AKT3: variants seen among roughly 807,000 people sequenced by gnomAD.
AKT3 encodes AKT serine/threonine kinase 3, also known as RAC-gamma serine/threonine-protein kinase.
Under a neutral mutation model 65.3 loss-of-function variants are expected in AKT3, and 15 were observed. The ratio of observed to expected loss-of-function variants is 0.23; its 90% CI spans 0.15 to 0.35. The LOEUF is 0.35. AKT3 is among the 10% of genes least tolerant of loss of function. AKT3 has a pLI of 1.00. For synonymous variants in AKT3, 206 were observed against 183.8 expected (o/e 1.12, Z -0.98); for missense variants, 243 against 576.5 (o/e 0.42, Z 5.92).
chr1:243,774,982 C>T (rs890096842), intron 2 of AKT3, among the ~76,000 whole-genome samples: 1 of 152,158 alleles, frequency 6.6e-6, no homozygotes, highest in Non-Finnish European at 1.5e-5. Flanking sequence ...CCCACCTCAG[C>T]CACCTGAGTA....
At chr1:243,839,367 T>G (rs1439586123) in intron 2 of AKT3, among the ~76,000 whole-genome samples, 1 of 152,178 alleles carries the variant, frequency 6.6e-6, no homozygotes, top group Non-Finnish European at 1.5e-5. Context: ...GTATTTAATA[T>G]ATACAGAGAT....
intron 8 of AKT3, among the ~76,000 whole-genome samples, chr1:243,573,322 G>A (rs1353994724): frequency 6.6e-6 from 1 of 152,022 alleles, no homozygotes; most frequent in Non-Finnish European, 1.5e-5. Context: ...AGAGGAAAAA[G>A]GTATGCATCA....
chr1:243,832,284 T>C (rs928157496), intron 2 of AKT3, among the ~76,000 whole-genome samples: 3 of 151,964 alleles, frequency 2.0e-5, no homozygotes, highest in Non-Finnish European at 1.5e-5. Flanking sequence ...ATACACCTCA[T>C]AACTTGTAGT....
At chr1:243,773,144 A>G (rs1189037608) in intron 2 of AKT3, among the ~76,000 whole-genome samples, 1 of 150,974 alleles carries the variant, frequency 6.6e-6, no homozygotes, top group Non-Finnish European at 1.5e-5. Context: ...TATGTAACAA[A>G]CCTGCACGTT....
At chr1:243,841,235 T>C (rs1287402199) in intron 2 of AKT3, among the ~76,000 whole-genome samples, 1 of 152,132 alleles carries the variant, frequency 6.6e-6, no homozygotes, top group Non-Finnish European at 1.5e-5. Flanking sequence ...ATTTCAAAGA[T>C]ATAATTAATT....
intron 6 of AKT3, among the ~76,000 whole-genome samples, chr1:243,618,390 G>A (rs1252608625): frequency 6.6e-6 from 1 of 151,954 alleles, no homozygotes; most frequent in East Asian, 1.9e-4. Context: ...ATTAGTTTCT[G>A]CTATGAAGAT....
chr1:243,648,623 T>C (rs370914970), intron 4 of AKT3, among the ~76,000 whole-genome samples: 1 of 152,298 alleles, frequency 6.6e-6, no homozygotes, highest in Non-Finnish European at 1.5e-5. Context: ...TTCTCATTAT[T>C]TTCTCAAACA....
chr1:243,725,079 G>A (rs1572233577), intron 2 of AKT3, among the ~76,000 whole-genome samples: 1 of 151,696 alleles, frequency 6.6e-6, no homozygotes, highest in East Asian at 1.9e-4. Context: ...GCATGATGAT[G>A]CATGCCCGTA....
intron 2 of AKT3, among the ~76,000 whole-genome samples, chr1:243,772,534 A>C (rs533423109): frequency 6.6e-6 from 1 of 152,170 alleles, no homozygotes; most frequent in Non-Finnish European, 1.5e-5. Flanking sequence ...AAGTCAGGAA[A>C]CAACAGGTGC....
intron 11 of AKT3, among the ~76,000 whole-genome samples, chr1:243,550,571 T>C (rs567675717): frequency 4.2e-4 from 64 of 151,994 alleles, no homozygotes; most frequent in Non-Finnish European, 8.1e-4. Flanking sequence ...GTGGTCAAAG[T>C]TGCCTGCAGG....
intron 2 of AKT3, chr1:243,814,834 T>C (rs1028849166): frequency 6.6e-6 from 1 of 152,208 alleles, no homozygotes; most frequent in Non-Finnish European, 1.5e-5. Flanking sequence ...GCATAAGGCA[T>C]AGCAAAACTA....
chr1:243,764,452 C>A (rs1411229853), intron 2 of AKT3, among the ~76,000 whole-genome samples: 4 of 151,928 alleles, frequency 2.6e-5, no homozygotes, highest in African/African-American at 7.2e-5. Context: ...GAGTACAATT[C>A]CCTATACATT....
chr1:243,795,463 TTTTTTTTTTTTGG>T (rs1339763650), intron 2 of AKT3, among the ~76,000 whole-genome samples: 1,203 of 78,740 alleles, frequency 0.015, 19 homozygotes, highest in African/African-American at 0.026. Flanking sequence ...TTTTTTTTTG[TTTTTTTTTTTTGG>T]TTTTTTTTTT....
At chr1:243,776,774 C>T (rs12048930) in intron 2 of AKT3, among the ~76,000 whole-genome samples, 33,968 of 152,012 alleles carry the variant, frequency 0.22, 4,096 homozygotes, top group East Asian at 0.32. Flanking sequence ...AGTACTGTTC[C>T]GCTGATGTCT....
At chr1:243,622,006 T>C (rs1202924414) in intron 6 of AKT3, among the ~76,000 whole-genome samples, 1 of 152,308 alleles carries the variant, frequency 6.6e-6, no homozygotes, top group East Asian at 1.9e-4. Context: ...TTGTCAACAC[T>C]GCAGCCAAAG....
intron 2 of AKT3, among the ~76,000 whole-genome samples, chr1:243,728,003 C>A (rs776375676): frequency 1.3e-5 from 2 of 152,204 alleles, no homozygotes; most frequent in Middle Eastern, 3.4e-3. Context: ...ATGTTGTAGT[C>A]CTATGACATT....
Position 243,646,026 on chromosome 1 carries a change from G to A in AKT3, c.296C>T (p.Thr99Ile). The A allele has an allele frequency of 6.2e-7, 1 of 1,603,474 alleles. No homozygotes were observed. Among genetic ancestry groups the A allele is most frequent in the Non-Finnish European group, 8.5e-7 (1 of 1,176,638 alleles). ...GTCTGCTACAGCCTGGATAGCTTCT[G>A]TCCATTCTTCCCTATAAAAATGAGT... ...VDTPEEREEW[T>I]EAIQAVADRL... Residue 99 changes from threonine to isoleucine, a missense_variant, in exon 5 of 14, where the codon ACA becomes ATA. Coordinates refer to ENST00000673466, the MANE Select transcript of AKT3 (RefSeq NM_005465.7).
At chr1:243,512,552 G>T (rs924601311) in intron 12 of AKT3, 126 bp from the exon 13 acceptor site, 30 of 615,108 alleles carry the variant, frequency 4.9e-5, no homozygotes, top group Middle Eastern at 4.0e-4. Context: ...GAGTCGCTGG[G>T]TAAGGGAGAC....
At position 243,491,204 on chromosome 1, in the gene AKT3, G is replaced by T. The variant is rs1264525916; in HGVS notation, c.*7-2754C>A. On this transcript the variant is annotated intron_variant, in intron 13 of 13. Transcript: ENST00000336199. ...TAACATGGATCACCGATGCTTAGAA[G>T]CTTCTTCCAGGGCTTTAAAAATCTG... Among the ~76,000 whole-genome samples, 16 of 152,324 alleles carry T rather than the reference G, an allele frequency of 1.1e-4. No individual in the cohort carries two copies. In the East Asian group the frequency reaches 3.1e-3, roughly 29 times the overall value.
Sources: gnomAD v4.1 joint callset for allele counts (sites outside exome capture counted in the v4.1 genomes callset) on GRCh38, gnomAD v4.1.1 for gene constraint, MANE v1.5 for transcripts, NCBI Gene and HGNC (gene_info 2026-07-23, HGNC 2026-07-21) for gene names.